CNTN1: variants seen among roughly 807,000 people sequenced by gnomAD.
CNTN1 encodes the protein contactin-1.
CNTN1 carries 38 observed loss-of-function variants against 126.4 expected under a neutral mutation model. That is an observed-to-expected ratio of 0.30 (90% CI 0.23 to 0.39). The LOEUF (loss-of-function observed/expected upper bound fraction) is 0.39. Ranked by LOEUF, CNTN1 falls within the 10% of genes least tolerant of loss-of-function variation. The pLI, the probability that CNTN1 is intolerant of heterozygous loss-of-function variation, is 1.00. For synonymous variants in CNTN1, 413 were observed against 422.6 expected (o/e 0.98, Z 0.28); for missense variants, 1,009 against 1,248.4 (o/e 0.81, Z 2.89).
At chr12:40,931,091 G>A (rs184246229) in intron 7 of CNTN1, among the ~76,000 whole-genome samples, 2 of 151,994 alleles carry the variant, frequency 1.3e-5, no homozygotes, top group African/African-American at 4.8e-5. Context: ...CATTCCATTT[G>A]TTTCAATTAG....
Position 40,959,187 on chromosome 12 carries a change from A to C in CNTN1, c.1757A>C (p.Gln586Pro). 6.2e-7 allele frequency: 1 copy of C among 1,612,872 alleles called. No individual in the cohort carries two copies. ...KHAGRYTCTA[Q>P]TIVDNSSASA... The stretch of plus-strand genomic sequence containing the variant: ...GCTGGAAGATACACATGCACTGCCC[A>C]GACAATTGTGGACAATTCTTCAGCT... Residue 586 changes from glutamine to proline, a missense_variant, in exon 15 of 24, where the codon CAG (glutamine) becomes CCG (proline). Transcript: ENST00000551295.
chr12:40,763,232 AC>A (rs1488312346), intron 1 of CNTN1: 1 of 152,196 alleles, frequency 6.6e-6, no homozygotes, highest in African/African-American at 2.4e-5. Context: ...TTTATAAATT[AC>A]CCAGACTGTT....
chr12:40,770,443 A>G (rs556975334), intron 1 of CNTN1, among the ~76,000 whole-genome samples: 1 of 152,304 alleles, frequency 6.6e-6, no homozygotes, highest in African/African-American at 2.4e-5. Context: ...GTAATAAAGC[A>G]TATATAAATG....
chr12:41,026,573 A>T (rs1949041863), intron 21 of CNTN1, among the ~76,000 whole-genome samples: 1 of 152,150 alleles, frequency 6.6e-6, no homozygotes, highest in Non-Finnish European at 1.5e-5. Flanking sequence ...GTAGTACAAA[A>T]CCTTAAGGTG....
At chr12:41,044,878 A>T (rs767677876) in intron 23 of CNTN1, among the ~76,000 whole-genome samples, 2 of 152,100 alleles carry the variant, frequency 1.3e-5, no homozygotes, top group Non-Finnish European at 2.9e-5. Flanking sequence ...AATTTTACTA[A>T]AAAGTAATGT....
chr12:40,878,212 G>T (rs1257480030), intron 1 of CNTN1, among the ~76,000 whole-genome samples: 1 of 150,894 alleles, frequency 6.6e-6, no homozygotes, highest in Non-Finnish European at 1.5e-5. Flanking sequence ...TGTCAGGCTG[G>T]TCTCGAACTC....
intron 1 of CNTN1, among the ~76,000 whole-genome samples, chr12:40,838,360 T>A (rs1315814347): frequency 6.6e-6 from 1 of 152,174 alleles, no homozygotes; most frequent in Admixed American, 6.5e-5. Context: ...TTTTCTGCCA[T>A]TGCTATTGCC....
chr12:41,044,955 A>T (rs1031047353), intron 23 of CNTN1, among the ~76,000 whole-genome samples: 1 of 152,116 alleles, frequency 6.6e-6, no homozygotes, highest in Non-Finnish European at 1.5e-5. Flanking sequence ...CAACCAATTT[A>T]TGATATATGC....
intron 3 of CNTN1, among the ~76,000 whole-genome samples, chr12:40,918,052 C>G (rs778763813): frequency 3.7e-4 from 56 of 152,074 alleles, no homozygotes; most frequent in Non-Finnish European, 7.2e-4. Flanking sequence ...TCATTAGGCT[C>G]CTTTTGTTTT....
At chr12:40,930,405 TAA>T (rs1434403919) in intron 7 of CNTN1, among the ~76,000 whole-genome samples, 1 of 152,026 alleles carries the variant, frequency 6.6e-6, no homozygotes, top group Non-Finnish European at 1.5e-5. Flanking sequence ...TAGAATTTTT[TAA>T]GTCATTTTGA....
chr12:40,716,300 T>C (rs1039727736), intron 1 of CNTN1, among the ~76,000 whole-genome samples: 2 of 150,370 alleles, frequency 1.3e-5, no homozygotes, highest in Non-Finnish European at 3.0e-5. Flanking sequence ...CTCTCTCCCT[T>C]TCTTCCTCCT....
chr12:40,889,956 G>C (rs1045952708), intron 1 of CNTN1, among the ~76,000 whole-genome samples: 1 of 152,070 alleles, frequency 6.6e-6, no homozygotes, highest in Non-Finnish European at 1.5e-5. Context: ...TTGAAACAGT[G>C]GGTGTTCTAT....
At chr12:40,896,867 T>C (rs1944431596) in intron 1 of CNTN1, among the ~76,000 whole-genome samples, 1 of 152,178 alleles carries the variant, frequency 6.6e-6, no homozygotes, top group Non-Finnish European at 1.5e-5. Flanking sequence ...GACACTTTCC[T>C]ATAAAGATAA....
intron 1 of CNTN1, among the ~76,000 whole-genome samples, chr12:40,813,083 C>T (rs1488056905): frequency 3.8e-5 from 5 of 130,508 alleles, no homozygotes; most frequent in Non-Finnish European, 6.6e-5. Flanking sequence ...TCCTTCCTTC[C>T]TTCCTTTCTT....
chr12:40,838,259 G>T (rs555042676), intron 1 of CNTN1, among the ~76,000 whole-genome samples: 1 of 152,260 alleles, frequency 6.6e-6, no homozygotes, highest in South Asian at 2.1e-4. Flanking sequence ...GCACTTATCT[G>T]CAAGTGCCAT....
chr12:41,050,008 T>C (rs1428744662), intron 23 of CNTN1, among the ~76,000 whole-genome samples: 2 of 152,200 alleles, frequency 1.3e-5, no homozygotes, highest in African/African-American at 4.8e-5. Context: ...CAGGCAGTTA[T>C]CCTGTCTCAG....
chr12:40,831,081 A>ATATACTATATATACTATACATATATAG (rs1555165654), intron 1 of CNTN1, among the ~76,000 whole-genome samples: 2,477 of 144,722 alleles, frequency 0.017, 73 homozygotes, highest in African/African-American at 0.059. Context: ...TATACTATAC[A>ATATACTATATATACTATACATATATAG]TATACTATAT....
chr12:40,858,388 G>T (rs1224333059), intron 1 of CNTN1, among the ~76,000 whole-genome samples: 2 of 151,824 alleles, frequency 1.3e-5, no homozygotes, highest in Non-Finnish European at 1.5e-5. Context: ...CAAACAATAT[G>T]AAAAAAAGCT....
chr12:40,723,126 G>A (rs779543973), intron 1 of CNTN1, among the ~76,000 whole-genome samples: 14 of 152,108 alleles, frequency 9.2e-5, no homozygotes, highest in Non-Finnish European at 2.1e-4. Context: ...ATGTACTGGC[G>A]GGAGCCTGGC....
Sources: gnomAD v4.1 joint callset for allele counts (sites outside exome capture counted in the v4.1 genomes callset) on GRCh38, gnomAD v4.1.1 for gene constraint, MANE v1.5 for transcripts, NCBI Gene and HGNC (gene_info 2026-07-23, HGNC 2026-07-21) for gene names.